The following SKIC2 variants were observed in gnomAD, a reference collection of about 807,000 sequenced individuals.
The protein encoded by SKIC2 is superkiller complex protein 2.
chr6:31,960,236 A>T, the SKIC2 span: 1 of 1,612,952 alleles, frequency 6.2e-7, no homozygotes, highest in Non-Finnish European at 8.5e-7. Context: ...GCAGAGGAAG[A>T]CGGATCCCTG....
At chr6:31,969,458 C>G in the SKIC2 span, 1 of 1,613,926 alleles carries the variant, frequency 6.2e-7, no homozygotes, top group Non-Finnish European at 8.5e-7. The surrounding 1 kb of genome is among the most constrained non-coding windows in gnomAD (Gnocchi z 6.1). Flanking sequence ...AGACGGCTGG[C>G]TGGGGAGAAC....
the SKIC2 span, among the ~76,000 whole-genome samples, chr6:31,966,218 C>T: frequency 6.6e-6 from 1 of 152,206 alleles, no homozygotes; most frequent in Non-Finnish European, 1.5e-5. This position sits in a 1 kb window ranked among gnomAD's most constrained non-coding sequence, Gnocchi z 5.9. Flanking sequence ...ACCTCAGCCT[C>T]CCAAGTAGGT....
chr6:31,963,990 C>T, the SKIC2 span: 3 of 1,612,626 alleles, frequency 1.9e-6, no homozygotes, highest in Non-Finnish European at 1.7e-6. This position sits in a 1 kb window ranked among gnomAD's most constrained non-coding sequence, Gnocchi z 5.3. Flanking sequence ...TCACCTTCTC[C>T]CGGGGCCGCT....
the SKIC2 span, among the ~76,000 whole-genome samples, chr6:31,965,180 C>T: frequency 3.9e-5 from 6 of 152,252 alleles, no homozygotes; most frequent in South Asian, 1.2e-3. This position sits in a 1 kb window ranked among gnomAD's most constrained non-coding sequence, Gnocchi z 5.6. Context: ...ATATTTCATT[C>T]CTGGGTATAT....
chr6:31,965,710 G>A, the SKIC2 span: 1 of 857,728 alleles, frequency 1.2e-6, no homozygotes, highest in Non-Finnish European at 2.0e-6. The surrounding 1 kb of genome is among the most constrained non-coding windows in gnomAD (Gnocchi z 5.6). Context: ...ACAAAGTAAG[G>A]TGGGCTTGGC....
the SKIC2 span, chr6:31,967,957 G>A: frequency 6.2e-7 from 1 of 1,613,110 alleles, no homozygotes; most frequent in Non-Finnish European, 8.5e-7. This position sits in a 1 kb window ranked among gnomAD's most constrained non-coding sequence, Gnocchi z 4.9. Flanking sequence ...TTTTCACAGG[G>A]CCTTGTGACC....
chr6:31,963,462 G>T, the SKIC2 span: 1 of 1,611,140 alleles, frequency 6.2e-7, no homozygotes, highest in East Asian at 2.2e-5. This position sits in a 1 kb window ranked among gnomAD's most constrained non-coding sequence, Gnocchi z 5.3. Context: ...AACCCGCCCC[G>T]TGCCCCTGGA....
the SKIC2 span, chr6:31,963,647 G>T: frequency 6.4e-7 from 1 of 1,550,446 alleles, no homozygotes; most frequent in East Asian, 2.2e-5. This position sits in a 1 kb window ranked among gnomAD's most constrained non-coding sequence, Gnocchi z 5.3. Context: ...GTACTATGCA[G>T]CTGTGGAGGC....
chr6:31,962,873 C>G, the SKIC2 span: 1 of 1,321,358 alleles, frequency 7.6e-7, no homozygotes, highest in South Asian at 1.2e-5. This position sits in a 1 kb window ranked among gnomAD's most constrained non-coding sequence, Gnocchi z 5.0. Context: ...TTATTCCACA[C>G]ACTCAGGGCC....
At chr6:31,962,286 G>A in the SKIC2 span, among the ~76,000 whole-genome samples, 4,374 of 152,240 alleles carry the variant, frequency 0.029, 110 homozygotes, top group Non-Finnish European at 0.039. This position sits in a 1 kb window ranked among gnomAD's most constrained non-coding sequence, Gnocchi z 5.0. Context: ...TTTTTCTGGG[G>A]TTATATCATG....
chr6:31,968,595 C>A, the SKIC2 span: 1 of 1,556,726 alleles, frequency 6.4e-7, no homozygotes, highest in South Asian at 1.1e-5. This position sits in a 1 kb window ranked among gnomAD's most constrained non-coding sequence, Gnocchi z 6.1. Flanking sequence ...CTCTGTGGTC[C>A]CCTGTAGACT....
chr6:31,963,213 A>G, the SKIC2 span: 4 of 811,916 alleles, frequency 4.9e-6, no homozygotes, highest in African/African-American at 1.7e-5. The surrounding 1 kb of genome is among the most constrained non-coding windows in gnomAD (Gnocchi z 5.3). Context: ...GCTGGGGAAC[A>G]TGTCCCACCT....
the SKIC2 span, chr6:31,960,084 C>T: frequency 1.2e-6 from 2 of 1,613,098 alleles, no homozygotes; most frequent in Non-Finnish European, 1.7e-6. Context: ...CATCCCCAGC[C>T]TGGCTGCCTC....
the SKIC2 span, chr6:31,964,081 C>T: frequency 2.1e-4 from 338 of 1,612,574 alleles, no homozygotes; most frequent in African/African-American, 1.5e-3. The surrounding 1 kb of genome is among the most constrained non-coding windows in gnomAD (Gnocchi z 5.0). Flanking sequence ...CTTCCTGCAG[C>T]GCTGCCTTGC....
chr6:31,969,685 C>T, the SKIC2 span: 63 of 1,603,490 alleles, frequency 3.9e-5, no homozygotes, highest in East Asian at 1.3e-3. This position sits in a 1 kb window ranked among gnomAD's most constrained non-coding sequence, Gnocchi z 6.1. Context: ...GGCGGGACAT[C>T]GTATTTGCGG....
chr6:31,962,902 C>T, the SKIC2 span: 2 of 1,322,060 alleles, frequency 1.5e-6, no homozygotes, highest in Non-Finnish European at 2.2e-6. The surrounding 1 kb of genome is among the most constrained non-coding windows in gnomAD (Gnocchi z 5.0). Context: ...CTTTCTTTAC[C>T]CCCATATGGA....
the SKIC2 span, chr6:31,966,576 C>G: frequency 1.2e-6 from 1 of 816,920 alleles, no homozygotes. This position sits in a 1 kb window ranked among gnomAD's most constrained non-coding sequence, Gnocchi z 5.9. Context: ...AAGAGGTGAG[C>G]AAGTGGTTTG....
chr6:31,968,499 G>A, the SKIC2 span: 1 of 1,612,888 alleles, frequency 6.2e-7, no homozygotes, highest in Non-Finnish European at 8.5e-7. The surrounding 1 kb of genome is among the most constrained non-coding windows in gnomAD (Gnocchi z 6.1). Context: ...AGCTGATCCA[G>A]GGGGCTCAGT....
At chr6:31,963,512 G>T in the SKIC2 span, 1 of 1,606,752 alleles carries the variant, frequency 6.2e-7, no homozygotes. This position sits in a 1 kb window ranked among gnomAD's most constrained non-coding sequence, Gnocchi z 5.3. Flanking sequence ...AGACCCAGGG[G>T]GAGCTCTTTT....
Sources: allele counts gnomAD v4.1 joint callset (sites outside exome capture counted in the v4.1 genomes callset), GRCh38; gene constraint gnomAD v4.1.1; non-coding constraint Gnocchi (gnomAD v3.1); transcripts MANE v1.5; gene names NCBI Gene and HGNC (gene_info 2026-07-23, HGNC 2026-07-21).